TBXT: variants seen among roughly 807,000 people sequenced by gnomAD.
The protein encoded by TBXT is T-box transcription factor T.
Under a neutral mutation model 41.1 loss-of-function variants are expected in TBXT, and 19 were observed. The ratio of observed to expected loss-of-function variants is 0.46; its 90% CI spans 0.32 to 0.68. The LOEUF is 0.68. Ranked by LOEUF, TBXT falls within the 30% of genes least tolerant of loss-of-function variation. TBXT has a pLI of 0.03. For synonymous variants in TBXT, 213 were observed against 238.9 expected, an observed-to-expected ratio of 0.89 and a Z score of 1.00; for missense variants, 536 against 582.0, an observed-to-expected ratio of 0.92 and a Z score of 0.81.
In TBXT at chr6:166,166,682, G is replaced by T; in HGVS notation, c.381C>A (p.Pro127=). The change falls in exon 2 of 8, where the codon CCC becomes CCA. Residue 127 remains proline (P), a synonymous_variant. Transcript: ENST00000366876. ...PQAPSCVYIH[P]DSPNFGAHWM... Reference sequence around the variant, plus strand: ...AGTGGGCCCCGAAGTTGGGCGAGTCGGGGTGGATGTAGACGCAGCTGGGCG... The same window carrying T: ...AGTGGGCCCCGAAGTTGGGCGAGTCTGGGTGGATGTAGACGCAGCTGGGCG... The T allele has an allele frequency of 6.2e-7, 1 of 1,614,060 alleles. No homozygotes were observed. The highest frequency in any genetic ancestry group is 8.5e-7 in the Non-Finnish European group (1 of 1,180,044).
At chr6:166,167,313 G>A in intron 1 of TBXT, 73 bp downstream of exon 1, 1 of 1,572,194 alleles carries the variant, frequency 6.4e-7, no homozygotes, top group Non-Finnish European at 8.7e-7. Context: ...CGACCTCCGG[G>A]AACTTGCCAG....
intron 3 of TBXT, among the ~76,000 whole-genome samples, 159 bp from the exon 4 acceptor site, chr6:166,165,020 TGAGTAATTGTACA>T (rs577536310): frequency 8.9e-4 from 136 of 152,368 alleles, no homozygotes; most frequent in African/African-American, 3.2e-3. Context: ...TGAAAATAGC[TGAGTAATTGTACA>T]GAGTAGCATG....
At chr6:166,159,146 T>C (rs1778877527) in intron 7 of TBXT, among the ~76,000 whole-genome samples, 1 of 152,226 alleles carries the variant, frequency 6.6e-6, no homozygotes, top group African/African-American at 2.4e-5. Flanking sequence ...CACTCCAGTC[T>C]GGGCAACAAG....
intron 5 of TBXT, among the ~76,000 whole-genome samples, chr6:166,164,160 AG>A (rs1779040929): frequency 6.6e-6 from 1 of 152,204 alleles, no homozygotes; most frequent in Admixed American, 6.5e-5. Context: ...TCATCCTCAG[AG>A]CCACAGGAGC....
chr6:166,160,041 A>G (rs1324014203), intron 7 of TBXT, among the ~76,000 whole-genome samples: 1 of 152,216 alleles, frequency 6.6e-6, no homozygotes, highest in Non-Finnish European at 1.5e-5. Flanking sequence ...AATGAAGTGC[A>G]TTGCCTTTGA....
In TBXT at chr6:166,167,474, G is replaced by T; in HGVS notation, c.118C>A (p.Arg40Ser). ...AGSEKGDPTE[R>S]ELRVGLEESE... ...TCCTCCAGGCCCACGCGCAGTTCGCGCTCTGTGGGGTCGCCCTTCTCGCTG... is the reference window on the plus strand; with the variant it reads ...TCCTCCAGGCCCACGCGCAGTTCGCTCTCTGTGGGGTCGCCCTTCTCGCTG... The change falls in exon 1 of 8, where the codon CGC becomes AGC. Residue 40 changes from arginine (R) to serine (S), a missense_variant. Physicochemically the swap from Arg to Ser is moderately radical, Grantham distance 110. Coordinates refer to ENST00000366876, the MANE Select transcript of TBXT (RefSeq NM_001366285.2). The T allele has an allele frequency of 3.1e-6, 5 of 1,612,004 alleles. No homozygotes were observed. Among genetic ancestry groups the T allele is most frequent in the Non-Finnish European group, 4.2e-6 (5 of 1,179,910 alleles).
intron 3 of TBXT, 26 bp from the exon 4 acceptor site, chr6:166,164,887 T>A (rs1276930388): frequency 6.3e-7 from 1 of 1,596,074 alleles, no homozygotes; most frequent in African/African-American, 1.3e-5. Context: ...TTGCATTTAC[T>A]AGTATATTCC....
Position 166,162,497 on chromosome 6 carries a change from T to C in TBXT, c.857A>G (p.His286Arg). 1 of 1,614,042 alleles carries C rather than the reference T, an allele frequency of 6.2e-7. No homozygotes were observed. Among genetic ancestry groups the C allele is most frequent in the Non-Finnish European group, 8.5e-7 (1 of 1,179,972 alleles). Residue 286 changes from histidine (H) to arginine (R), a missense_variant, in exon 6 of 8, where the codon CAC becomes CGC. By Grantham distance (29) the His-to-Arg change is conservative. Coordinates refer to ENST00000366876, the MANE Select transcript of TBXT (RefSeq NM_001366285.2). ...SCDRYPTLRS[H>R]RSSPYPSPYA... ...GGGGCTGGGGTAGGGTGAGGACCGG[T>C]GGCTCCTCAGGGTTGGGTACCTGTC...
chr6:166,162,927 T>C (rs1282384108), intron 5 of TBXT, among the ~76,000 whole-genome samples: 1 of 152,206 alleles, frequency 6.6e-6, no homozygotes. Flanking sequence ...TGTCTCATAC[T>C]TAGGACACAG....
chr6:166,163,992 C>T (rs1285875401), intron 5 of TBXT, among the ~76,000 whole-genome samples: 3 of 152,202 alleles, frequency 2.0e-5, no homozygotes, highest in South Asian at 2.1e-4. Flanking sequence ...AGTGCTACCG[C>T]GTTCATTGTT....
At chr6:166,166,469 A>C (rs1582970563) in intron 2 of TBXT, 123 bp downstream of exon 2, 1 of 1,461,082 alleles carries the variant, frequency 6.8e-7, no homozygotes. Context: ...AGGCTGTGGC[A>C]GTTTCTCCAG....
chr6:166,164,593 A>C lies in TBXT; in HGVS notation c.730+12T>G, dbSNP rs1779057068. ...GACGCAGAATGACATGACAGAGTGC[A>C]ACAAACCGTACATTGGGAGTACCCA... On this transcript the variant is annotated intron_variant, in intron 5 of 7. Coordinates refer to ENST00000366876, the MANE Select transcript of TBXT (RefSeq NM_001366285.2). 1 of 1,614,086 alleles carries C rather than the reference A, an allele frequency of 6.2e-7. No individual in the cohort carries two copies. Among genetic ancestry groups the C allele is most frequent in the Admixed American group, 1.7e-5 (1 of 60,016 alleles).
In TBXT at chr6:166,165,736, G is replaced by A. The variant is rs1779090890; in HGVS notation, c.576C>T (p.Phe192=). 6.2e-7 allele frequency: 1 copy of A among 1,614,088 alleles called. No homozygotes were observed. Among genetic ancestry groups the A allele is most frequent in the African/African-American group, 1.3e-5 (1 of 74,946 alleles). The change falls in exon 3 of 8, where the codon TTC becomes TTT. Residue 192 remains phenylalanine (F), a synonymous_variant. Transcript: ENST00000366876. ...ITSHCFPETQ[F]IAVTAYQNEE... ...CGTTCTGATAAGCAGTCACCGCTATGAACTGGGTCTCAGGGAAGCAGTGGC... is the reference window on the plus strand; with the variant it reads ...CGTTCTGATAAGCAGTCACCGCTATAAACTGGGTCTCAGGGAAGCAGTGGC...
intron 1 of TBXT, 35 bp downstream of exon 1, chr6:166,167,351 A>G: frequency 6.2e-7 from 1 of 1,610,180 alleles, no homozygotes; most frequent in African/African-American, 1.3e-5. Context: ...GGCGCTGGAG[A>G]GCGCGGCGCG....
chr6:166,165,639 A>C (rs577276527), intron 3 of TBXT, 67 bp downstream of exon 3: 43 of 1,611,470 alleles, frequency 2.7e-5, no homozygotes, highest in Admixed American at 5.0e-5. Flanking sequence ...GCTCCTCCAG[A>C]ATCTCCACGG....
At position 166,167,620 on chromosome 6, in the gene TBXT, C is replaced by T. The variant is rs1779168371; in HGVS notation, c.-29G>A. 2 of 1,540,352 alleles carry T rather than the reference C, an allele frequency of 1.3e-6. No homozygotes were observed. Among genetic ancestry groups the T allele is most frequent in the African/African-American group, 1.4e-5 (1 of 73,106 alleles). On this transcript the variant is annotated 5_prime_UTR_variant, in exon 1 of 8. Transcript: ENST00000366876. ...CCCGTCCGGCTCCCCTCCCCGCCGT[C>T]CCCGAAGCCCAGACTCGCTACCTGA... is the stretch of plus-strand genomic sequence containing the variant.
chr6:166,162,353 A>T, intron 6 of TBXT, 94 bp downstream of exon 6: 6 of 1,457,240 alleles, frequency 4.1e-6, no homozygotes, highest in Non-Finnish European at 4.8e-6. Flanking sequence ...AACCGTCTCC[A>T]TTTTTTTAGA....
chr6:166,164,683 A>T lies in TBXT; in HGVS notation c.669-17T>A. 6.2e-7 allele frequency: 1 copy of T among 1,613,996 alleles called. No homozygotes were observed. Among genetic ancestry groups the T allele is most frequent in the Non-Finnish European group, 8.5e-7 (1 of 1,179,986 alleles). The stretch of plus-strand genomic sequence containing the variant: ...TGATCACTTCTATCAAAATGAAAAA[A>T]AAAAAGTATATCGAATTTTCAAAAA... On this transcript the variant is annotated splice_polypyrimidine_tract_variant and intron_variant, in intron 4 of 7. Coordinates refer to ENST00000366876, the MANE Select transcript of TBXT (RefSeq NM_001366285.2).
At chr6:166,167,176 AGTGCGCG>A (rs546613748) in intron 1 of TBXT, among the ~76,000 whole-genome samples, 114 of 152,370 alleles carry the variant, frequency 7.5e-4, no homozygotes, top group African/African-American at 2.6e-3. Context: ...GGGACACCGA[AGTGCGCG>A]TTCCTCCTCC....
Sources: gnomAD v4.1 joint callset for allele counts (sites outside exome capture counted in the v4.1 genomes callset) on GRCh38, gnomAD v4.1.1 for gene constraint, MANE v1.5 for transcripts, NCBI Gene and HGNC (gene_info 2026-07-23, HGNC 2026-07-21) for gene names.